Variants in SLC24A2 observed in about 807,000 individuals in gnomAD.
The protein encoded by SLC24A2 is sodium/potassium/calcium exchanger 2.
A neutral mutation model predicts 62.0 loss-of-function variants in SLC24A2; 36 were observed. That is an observed-to-expected ratio of 0.58 (90% CI 0.44 to 0.77). The LOEUF is 0.77. Ranked by LOEUF, SLC24A2 falls within the 30% of genes least tolerant of loss-of-function variation. The pLI, the probability that SLC24A2 is intolerant of heterozygous loss-of-function variation, is 0.00. For synonymous variants in SLC24A2, 358 were observed against 294.0 expected, an observed-to-expected ratio of 1.22 and a Z score of -2.23; for missense variants, 846 against 817.9, an observed-to-expected ratio of 1.03 and a Z score of -0.42.
the SLC24A2 span, among the ~76,000 whole-genome samples, chr9:19,953,714 C>A: frequency 6.6e-6 from 1 of 152,112 alleles, no homozygotes; most frequent in South Asian, 2.1e-4. Context: ...TAAATAACTA[C>A]AATTACTTAT....
At chr9:19,957,080 C>T in the SLC24A2 span, among the ~76,000 whole-genome samples, 132 of 152,266 alleles carry the variant, frequency 8.7e-4, 1 homozygote, top group African/African-American at 3.2e-3. Flanking sequence ...ACATCATTTA[C>T]CTAATAAGCA....
At chr9:19,723,940 T>G (rs1821100527) in intron 2 of SLC24A2, among the ~76,000 whole-genome samples, 1 of 152,262 alleles carries the variant, frequency 6.6e-6, no homozygotes, top group East Asian at 1.9e-4. Flanking sequence ...TGCCATACTA[T>G]TTTTTATTAA....
Position 19,573,470 on chromosome 9 carries a change from CTG to C in SLC24A2, c.1229-3_1229-2del. ...GTGCTGTTTGGAAGCTCAATTTTTT[CTG>C]TGATATAATTTAAACACACACACAC... On this transcript the variant is annotated splice_acceptor_variant and splice_polypyrimidine_tract_variant and intron_variant, in intron 6 of 10. Transcript: ENST00000341998. LOFTEE classifies it high-confidence loss of function. The C allele has an allele frequency of 6.5e-7, 1 of 1,536,502 alleles. No individual in the cohort carries two copies. Among genetic ancestry groups the C allele is most frequent in the Non-Finnish European group, 9.0e-7 (1 of 1,117,038 alleles).
At chr9:20,032,336 A>G in the SLC24A2 span, among the ~76,000 whole-genome samples, 1 of 152,242 alleles carries the variant, frequency 6.6e-6, no homozygotes, top group Admixed American at 6.5e-5. Context: ...CAATTAAGCC[A>G]CCAGCAAAGT....
chr9:19,593,646 A>G (rs1836621000), intron 5 of SLC24A2, among the ~76,000 whole-genome samples: 1 of 152,234 alleles, frequency 6.6e-6, no homozygotes, highest in African/African-American at 2.4e-5. Flanking sequence ...TTCTTAGTCT[A>G]TGGTATCCAT....
intron 2 of SLC24A2, among the ~76,000 whole-genome samples, chr9:19,692,210 C>G (rs986505924): frequency 6.6e-6 from 1 of 152,066 alleles, no homozygotes. Flanking sequence ...TATCAGGAAA[C>G]CACATTAAGC....
the SLC24A2 span, among the ~76,000 whole-genome samples, chr9:19,853,404 T>G: frequency 1.3e-5 from 2 of 152,254 alleles, no homozygotes; most frequent in African/African-American, 4.8e-5. Context: ...AGGGCAATGC[T>G]TCTAGCTTTT....
At chr9:19,735,961 C>G (rs1291843950) in intron 2 of SLC24A2, among the ~76,000 whole-genome samples, 1 of 151,886 alleles carries the variant, frequency 6.6e-6, no homozygotes, top group African/African-American at 2.4e-5. Context: ...ACATATGTAA[C>G]AAACCTGTAC....
At chr9:19,873,362 C>CTCTT in the SLC24A2 span, among the ~76,000 whole-genome samples, 286 of 147,308 alleles carry the variant, frequency 1.9e-3, 1 homozygote, top group African/African-American at 5.3e-3. Flanking sequence ...TTCCTTCCTT[C>CTCTT]TCTTTCTTTC....
At chr9:20,042,371 A>G in the SLC24A2 span, among the ~76,000 whole-genome samples, 1 of 152,258 alleles carries the variant, frequency 6.6e-6, no homozygotes, top group East Asian at 1.9e-4. Context: ...CAAGGATTTC[A>G]TTTGCATAAG....
the SLC24A2 span, among the ~76,000 whole-genome samples, chr9:19,873,469 TTCTC>T: frequency 1.3e-5 from 2 of 149,558 alleles, no homozygotes; most frequent in African/African-American, 2.5e-5. Flanking sequence ...TTCTTTTTCT[TTCTC>T]TCTCTCCTTC....
the SLC24A2 span, among the ~76,000 whole-genome samples, chr9:20,004,011 G>C: frequency 1.3e-5 from 2 of 151,970 alleles, no homozygotes; most frequent in African/African-American, 4.8e-5. Flanking sequence ...GTAATTAGTT[G>C]GGCTAGAGTG....
chr9:19,812,780 A>G, the SLC24A2 span, among the ~76,000 whole-genome samples: 1 of 8,334 alleles, frequency 1.2e-4, no homozygotes, highest in Non-Finnish European at 7.4e-4. Context: ...GAAAGTATTC[A>G]CCATTTTTTT....
chr9:19,827,389 A>C, the SLC24A2 span, among the ~76,000 whole-genome samples: 25 of 152,240 alleles, frequency 1.6e-4, no homozygotes, highest in African/African-American at 5.8e-4. Context: ...TCTTCCTGAG[A>C]ATGGCAAATT....
At chr9:20,223,692 G>C in the SLC24A2 span, among the ~76,000 whole-genome samples, 1 of 152,116 alleles carries the variant, frequency 6.6e-6, no homozygotes, top group East Asian at 1.9e-4. Context: ...GGGAAAAATG[G>C]ATATATAGTG....
the SLC24A2 span, among the ~76,000 whole-genome samples, chr9:20,286,770 G>A: frequency 6.6e-6 from 1 of 152,172 alleles, no homozygotes; most frequent in Non-Finnish European, 1.5e-5. Flanking sequence ...TGCCAGGACA[G>A]CAGGCACAAA....
chr9:19,931,066 T>C, the SLC24A2 span, among the ~76,000 whole-genome samples: 5 of 152,292 alleles, frequency 3.3e-5, no homozygotes, highest in East Asian at 1.9e-4. Context: ...ATGATAACCA[T>C]AGAATGTTAC....
At chr9:19,817,900 A>C in the SLC24A2 span, among the ~76,000 whole-genome samples, 1 of 151,910 alleles carries the variant, frequency 6.6e-6, no homozygotes, top group Non-Finnish European at 1.5e-5. Flanking sequence ...CATCCAGCTA[A>C]TTTTAAAATC....
chr9:20,019,103 TAGAAAGAAAGAAAGAAAGAAAGAAAGAA>T, the SLC24A2 span, among the ~76,000 whole-genome samples: 22 of 84,790 alleles, frequency 2.6e-4, 1 homozygote, highest in South Asian at 5.0e-3. Flanking sequence ...GAAAGAAAGA[TAGAAAGAAAGAAAGAAAGAAAGAAAGAA>T]AGAAAGAAAG....
Sources: gnomAD v4.1 joint callset for allele counts (sites outside exome capture counted in the v4.1 genomes callset) on GRCh38, gnomAD v4.1.1 for gene constraint, MANE v1.5 for transcripts, NCBI Gene and HGNC (gene_info 2026-07-23, HGNC 2026-07-21) for gene names.